EEF1A2: variants seen among roughly 807,000 people sequenced by gnomAD.
EEF1A2 encodes eukaryotic translation elongation factor 1 alpha 2.
Under a neutral mutation model 39.3 loss-of-function variants are expected in EEF1A2, and 5 were observed. The observed-to-expected ratio is 0.13, with a 90% confidence interval of 0.07 to 0.27. EEF1A2 has a LOEUF of 0.27. Among genes scored for constraint, EEF1A2 ranks in the 10% least tolerant of loss-of-function variants. EEF1A2 has a pLI of 1.00. For missense variants in EEF1A2, 218 were observed against 681.4 expected, an observed-to-expected ratio of 0.32 and a Z score of 7.57; for synonymous variants, 287 against 293.7, an observed-to-expected ratio of 0.98 and a Z score of 0.23.
At chr20:63,488,800 G>A in intron 7 of EEF1A2, 118 bp downstream of exon 7, 1 of 1,142,550 alleles carries the variant, frequency 8.8e-7, no homozygotes, top group South Asian at 1.5e-5. Flanking sequence ...TCTGGGCCAA[G>A]CTCCGCAGGA....
At chr20:63,492,364 GGATA>G (rs1453158901) in intron 5 of EEF1A2, among the ~76,000 whole-genome samples, 2 of 148,440 alleles carry the variant, frequency 1.3e-5, no homozygotes, top group Non-Finnish European at 3.0e-5. Context: ...ATAGATGGAT[GGATA>G]GAGAGAAGGA....
intron 4 of EEF1A2, 148 bp downstream of exon 4, chr20:63,494,657 C>T: frequency 8.5e-7 from 1 of 1,170,930 alleles, no homozygotes; most frequent in Non-Finnish European, 1.2e-6. Flanking sequence ...GGCCCTGAGC[C>T]AGTTAGGGAA....
chr20:63,494,702 G>A (rs1285879800), intron 4 of EEF1A2, 103 bp downstream of exon 4: 17 of 1,429,806 alleles, frequency 1.2e-5, no homozygotes, highest in African/African-American at 2.8e-5. Context: ...TGCATTTCCC[G>A]GGGACAGGCC....
chr20:63,488,465 C>G (rs1363806352), intron 7 of EEF1A2, 40 bp from the exon 8 acceptor site: 1 of 1,381,158 alleles, frequency 7.2e-7, no homozygotes, highest in Non-Finnish European at 9.3e-7. Flanking sequence ...GGCCGGAGGA[C>G]TTGACCCCCC....
chr20:63,494,754 C>T (rs1209169672), intron 4 of EEF1A2, 51 bp downstream of exon 4: 1 of 1,570,056 alleles, frequency 6.4e-7, no homozygotes, highest in Admixed American at 1.7e-5. Context: ...CGCTCTGGGC[C>T]AGGGGGTCCA....
rs1048024029 is a variant in EEF1A2, at chr20:63,497,862, C to T, written c.-71-28G>A. The T allele has an allele frequency of 9.4e-6, 14 of 1,487,912 alleles. No individual in the cohort carries two copies. The highest frequency in any genetic ancestry group is 4.2e-5 in the African/African-American group (3 of 71,504). The allele number at this position is 1,487,912 out of a possible 1,614,324, so 92.2% of individuals were successfully genotyped here. A position where few individuals can be genotyped will look rare whatever the true frequency, so the allele number is the denominator to read the frequency against. On this transcript the variant is annotated intron_variant, in intron 1 of 7. Transcript: ENST00000217182. The surrounding 1 kb of genome is among the most constrained non-coding windows in gnomAD (Gnocchi z 7.3). ...GTGGGGCCAGTGGTGGTGGGGAGAC[C>T]GGTGATGGGGAGCCCCAGGGGGAGA...
chr20:63,490,994 C>T (rs1025382094), intron 5 of EEF1A2, among the ~76,000 whole-genome samples: 8 of 152,190 alleles, frequency 5.3e-5, no homozygotes, highest in Non-Finnish European at 1.2e-4. Context: ...CAGGAACCCA[C>T]GGAAAAGCCA....
intron 6 of EEF1A2, among the ~76,000 whole-genome samples, chr20:63,489,904 G>C (rs189096034): frequency 1.3e-5 from 2 of 152,218 alleles, no homozygotes; most frequent in African/African-American, 4.8e-5. Context: ...TTTCTAGGAC[G>C]AATGTAGGAC....
At position 63,497,731 on chromosome 20, in the gene EEF1A2, C is replaced by T. The variant is rs2082424883; in HGVS notation, c.33G>A (p.Val11=). Residue 11 remains valine (V), a synonymous_variant, in exon 2 of 8, where the codon GTG becomes GTA. Transcript: ENST00000217182. This position sits in a 1 kb window ranked among gnomAD's most constrained non-coding sequence, Gnocchi z 7.3. MGKEKTHINI[V]VIGHVDSGKS... is the part of the protein sequence containing the mutation. Reference sequence around the variant, plus strand: ...TTCCGGAGTCCACGTGGCCGATGACCACGATGTTGATGTGGGTCTTCTCCT... The same window carrying T: ...TTCCGGAGTCCACGTGGCCGATGACTACGATGTTGATGTGGGTCTTCTCCT... The T allele has an allele frequency of 1.9e-6, 3 of 1,612,962 alleles. No individual in the cohort carries two copies. Among genetic ancestry groups the T allele is most frequent in the Non-Finnish European group, 1.7e-6 (2 of 1,179,816 alleles).
At position 63,495,912 on chromosome 20, in the gene EEF1A2, T is replaced by G; in HGVS notation, c.268A>C (p.Ile90Leu). Residue 90 changes from isoleucine to leucine, a missense_variant, in exon 3 of 8, where the codon ATC becomes CTC. Ile to Leu is a conservative substitution (Grantham distance 5, BLOSUM62 2). This residue lies in a region of EEF1A2 where 28 missense variants were observed against 156.2 expected (regional missense o/e 0.18). Transcript: ENST00000217182. Reference sequence around the variant, plus strand: ...AAGTCGCGGTGGCCGGGGGCATCGATGATGGTGATGTAGTACTTGGTGGTC... The same window carrying G: ...AAGTCGCGGTGGCCGGGGGCATCGAGGATGGTGATGTAGTACTTGGTGGTC... ...FETTKYYITI[I>L]DAPGHRDFIK... The G allele has an allele frequency of 6.2e-7, 1 of 1,613,316 alleles. No individual in the cohort carries two copies. Among genetic ancestry groups the G allele is most frequent in the Non-Finnish European group, 8.5e-7 (1 of 1,179,926 alleles).
Position 63,492,024 on chromosome 20 carries a change from G to A in EEF1A2, c.772+1113C>T, listed in dbSNP as rs2082384862. ...TGGATGAGGAGATGAACGGATGGAT[G>A]AGATGGATGGATGGATGATGGAGGG... is the stretch of plus-strand genomic sequence containing the variant. On this transcript the variant is annotated intron_variant, in intron 5 of 7. Transcript: ENST00000217182. Among the ~76,000 whole-genome samples, 3 of 124,218 alleles carry A rather than the reference G, an allele frequency of 2.4e-5. No individual in the cohort carries two copies. The South Asian group carries it at 8.2e-4, about 34-fold the overall frequency. The allele number at this position is 124,218 out of a possible 152,430, so 81.5% of individuals were successfully genotyped here. A position where few individuals can be genotyped will look rare whatever the true frequency, so the allele number is the denominator to read the frequency against.
chr20:63,494,288 C>A (rs182331640), intron 4 of EEF1A2, among the ~76,000 whole-genome samples: 1 of 152,232 alleles, frequency 6.6e-6, no homozygotes, highest in Non-Finnish European at 1.5e-5. Flanking sequence ...ACTGTTCGCA[C>A]GTTGAGCTCC....
Position 63,498,044 on chromosome 20 carries a change from A to C in EEF1A2, c.-71-210T>G. On this transcript the variant is annotated intron_variant, in intron 1 of 7. Transcript: ENST00000217182. The surrounding 1 kb of genome is among the most constrained non-coding windows in gnomAD (Gnocchi z 4.1). ...TGCCCCCACCCCACACTTGAGCCCA[A>C]ACAGCCCCATCTGCTGTAAATAACT... 1 of 351,266 alleles carries C rather than the reference A, an allele frequency of 2.8e-6. No individual in the cohort carries two copies. Among genetic ancestry groups the C allele is most frequent in the Non-Finnish European group, 5.2e-6 (1 of 192,836 alleles). The allele number at this position is 351,266 out of a possible 1,614,324, so 21.8% of individuals were successfully genotyped here.
At chr20:63,493,747 T>C (rs2082402970) in intron 4 of EEF1A2, among the ~76,000 whole-genome samples, 1 of 152,210 alleles carries the variant, frequency 6.6e-6, no homozygotes, top group Non-Finnish European at 1.5e-5. Flanking sequence ...CCCAGCCTTG[T>C]CCGGAGCTTC....
At position 63,488,756 on chromosome 20, in the gene EEF1A2, C is replaced by T. The variant is rs552330879; in HGVS notation, c.1264+162G>A. Among the ~76,000 whole-genome samples, 905 of 152,356 alleles carry T rather than the reference C, an allele frequency of 5.9e-3. 5 individuals are homozygous for T. Among genetic ancestry groups the T allele is most frequent in the Non-Finnish European group, 0.01 (711 of 68,022 alleles). On this transcript the variant is annotated intron_variant, in intron 7 of 7. Transcript: ENST00000217182. Reference sequence around the variant, plus strand: ...TCGTCTGGGCAGGGTCACCTGCACTCAGTGACACGGAGGCCGTGGCTCTCC... The same window carrying T: ...TCGTCTGGGCAGGGTCACCTGCACTTAGTGACACGGAGGCCGTGGCTCTCC...
chr20:63,496,236 C>G (rs2082416107), intron 2 of EEF1A2: 2 of 625,592 alleles, frequency 3.2e-6, no homozygotes, highest in East Asian at 5.7e-5. Context: ...GGGCCGGCCT[C>G]CGCACCTGCT....
chr20:63,492,456 GGATGGATGGATGGAGA>G (rs2082390767), intron 5 of EEF1A2, among the ~76,000 whole-genome samples: 6 of 151,202 alleles, frequency 4.0e-5, no homozygotes, highest in Non-Finnish European at 7.4e-5. Flanking sequence ...ATGGATGGAT[GGATGGATGGATGGAGA>G]GATGGATGGA....
chr20:63,493,398 G>A (rs575785258), intron 4 of EEF1A2, 111 bp from the exon 5 acceptor site: 12 of 1,303,396 alleles, frequency 9.2e-6, no homozygotes, highest in South Asian at 5.2e-5. Context: ...AACTTGCCTC[G>A]TGCCCTTTGA....
chr20:63,489,782 C>CA (rs58650476), intron 6 of EEF1A2, among the ~76,000 whole-genome samples: 7 of 150,416 alleles, frequency 4.7e-5, no homozygotes, highest in South Asian at 2.1e-4. Flanking sequence ...GACTCCGTCT[C>CA]AAAAAAAAAA....
Sources: allele counts gnomAD v4.1 joint callset (sites outside exome capture counted in the v4.1 genomes callset), GRCh38; gene constraint gnomAD v4.1.1; regional missense constraint gnomAD v4.1.1; non-coding constraint Gnocchi (gnomAD v3.1); transcripts MANE v1.5; gene names NCBI Gene and HGNC (gene_info 2026-07-23, HGNC 2026-07-21).